The following RPS3 variants were observed in gnomAD, a reference collection of about 807,000 sequenced individuals.
The protein encoded by RPS3 is ribosomal protein S3.
Under a neutral mutation model 25.8 loss-of-function variants are expected in RPS3, and 2 were observed. The observed-to-expected ratio is 0.08, with a 90% confidence interval of 0.03 to 0.24. The LOEUF (loss-of-function observed/expected upper bound fraction) is 0.24. Ranked by LOEUF, RPS3 falls within the 10% of genes least tolerant of loss-of-function variation. The probability of loss-of-function intolerance (pLI) is 1.00; values close to 1 mark genes in which losing one functional copy is unlikely to be tolerated. For missense variants in RPS3, 107 were observed against 307.1 expected (o/e 0.35, Z 4.87); for synonymous variants, 114 against 114.2 (o/e 1.00, Z 0.01).
intron 6 of RPS3, among the ~76,000 whole-genome samples, chr11:75,414,416 C>T (rs1321603734): frequency 2.0e-5 from 3 of 152,164 alleles, no homozygotes; most frequent in Non-Finnish European, 4.4e-5. Flanking sequence ...TTGAGACCTT[C>T]CTGGCTAACA....
intron 1 of RPS3, 102 bp from the exon 2 acceptor site, chr11:75,400,592 A>G (rs1948195055): frequency 6.6e-7 from 1 of 1,516,316 alleles, no homozygotes; most frequent in Non-Finnish European, 9.1e-7. Context: ...GGAGGTATTT[A>G]GTTTTGGTGA....
rs375245691 is a variant in RPS3, at chr11:75,404,182, T to A, written c.513T>A (p.Ala171=). The change falls in exon 5 of 7, where the codon GCT becomes GCA. Residue 171 remains alanine, a synonymous_variant. Coordinates refer to ENST00000531188, the MANE Select transcript of RPS3 (RefSeq NM_001005.5). The surrounding 1 kb of genome is among the most constrained non-coding windows in gnomAD (Gnocchi z 4.6). The stretch of plus-strand genomic sequence containing the variant: ...CTGTTAACTACTACGTTGACACTGC[T>A]GTGCGCCACGTGTTGCTCAGACAGG... ...GDPVNYYVDT[A]VRHVLLRQGV... 10 of 1,614,184 alleles carry A rather than the reference T, an allele frequency of 6.2e-6. No homozygotes were observed. Among genetic ancestry groups the A allele is most frequent in the Non-Finnish European group, 8.5e-6 (10 of 1,180,002 alleles).
At chr11:75,418,590 A>C (rs1162821738) in intron 6 of RPS3, among the ~76,000 whole-genome samples, 1 of 152,222 alleles carries the variant, frequency 6.6e-6, no homozygotes, top group Admixed American at 6.5e-5. Context: ...TGTGTTCATA[A>C]AATTTGAGAA....
intron 1 of RPS3, chr11:75,400,250 T>C: frequency 4.8e-6 from 2 of 416,040 alleles, no homozygotes; most frequent in South Asian, 3.7e-5. Flanking sequence ...GCAGGTTGTG[T>C]CTACAAGTGA....
At chr11:75,399,652 G>A in intron 1 of RPS3, 75 bp downstream of exon 1, 1 of 1,328,940 alleles carries the variant, frequency 7.5e-7, no homozygotes, top group Admixed American at 1.8e-5. Flanking sequence ...GCCACCGCGA[G>A]GCCTGCAGCT....
downstream of RPS3, among the ~76,000 whole-genome samples, chr11:75,407,978 T>C (rs1471609348): frequency 6.6e-6 from 1 of 152,190 alleles, no homozygotes; most frequent in Non-Finnish European, 1.5e-5. Context: ...AGAAAGAAAC[T>C]TAATGAATTG....
chr11:75,405,053 G>A (rs1027950118), intron 6 of RPS3, 185 bp downstream of exon 6: 3 of 461,198 alleles, frequency 6.5e-6, no homozygotes, highest in Non-Finnish European at 1.2e-5. Context: ...TGGGACAGGT[G>A]TTGCCTTTAT....
intron 2 of RPS3, 85 bp downstream of exon 2, chr11:75,400,909 GTCTTGC>G: frequency 6.9e-7 from 1 of 1,447,012 alleles, no homozygotes; most frequent in Admixed American, 2.1e-5. Context: ...TTGAGACGGA[GTCTTGC>G]TCTGTCCCCA....
At position 75,399,565 on chromosome 11, in the gene RPS3, C is replaced by T. The variant is rs373443936; in HGVS notation, c.18C>T (p.Ser6=). 6.2e-7 allele frequency: 1 copy of T among 1,613,860 alleles called. No homozygotes were observed. The highest frequency in any genetic ancestry group is 1.7e-5 in the Admixed American group (1 of 60,010). The part of the protein sequence containing the change: MAVQI[S]KKRKFVADGI... ...GCGGCAAGATGGCAGTGCAAATATC[C>T]AAGAAGAGGAAGGTGAGCCTCTGGG... The change falls in exon 1 of 7, where the codon TCC becomes TCT. Residue 6 remains serine, a synonymous_variant. Coordinates refer to ENST00000531188, the MANE Select transcript of RPS3 (RefSeq NM_001005.5).
At chr11:75,414,534 C>G (rs1269366043) in intron 6 of RPS3, among the ~76,000 whole-genome samples, 1 of 152,038 alleles carries the variant, frequency 6.6e-6, no homozygotes, top group Admixed American at 6.5e-5. Context: ...TGGCATGAAG[C>G]CAGGAGGCGG....
chr11:75,405,443 C>G (rs747545), intron 6 of RPS3, 171 bp from the exon 7 acceptor site: 292,051 of 337,312 alleles, frequency 0.87, 127,156 homozygotes, highest in East Asian at 1. Flanking sequence ...TAGGTGTTGT[C>G]TCTCCAGGTG....
chr11:75,416,232 C>T (rs1194476162), intron 6 of RPS3, among the ~76,000 whole-genome samples: 1 of 152,122 alleles, frequency 6.6e-6, no homozygotes, highest in Non-Finnish European at 1.5e-5. Flanking sequence ...TTAGTGCTAG[C>T]TGTTACTATT....
Position 75,400,767 on chromosome 11 carries a change from C to G in RPS3, c.104C>G (p.Ser35Cys). The G allele has an allele frequency of 6.2e-7, 1 of 1,613,066 alleles. No individual in the cohort carries two copies. The highest frequency in any genetic ancestry group is 8.5e-7 in the Non-Finnish European group (1 of 1,179,898). Reference sequence around the variant, plus strand: ...CGGGAGCTGGCTGAAGATGGCTACTCTGGAGTTGAGGTGCGAGTTACACCA... The same window carrying G: ...CGGGAGCTGGCTGAAGATGGCTACTGTGGAGTTGAGGTGCGAGTTACACCA... ...LTRELAEDGY[S>C]GVEVRVTPTR... is the part of the protein sequence containing the mutation. Residue 35 changes from serine (S) to cysteine (C), a missense_variant, in exon 2 of 7, where the codon TCT becomes TGT. This residue lies in a region of RPS3 where 81 missense variants were observed against 286.8 expected (regional missense o/e 0.28). Coordinates refer to ENST00000531188, the MANE Select transcript of RPS3 (RefSeq NM_001005.5).
Position 75,404,658 on chromosome 11 carries a change from G to C in RPS3, c.539-14G>C, listed in dbSNP as rs372775887. 3 of 1,605,170 alleles carry C rather than the reference G, an allele frequency of 1.9e-6. No individual in the cohort carries two copies. In the African/African-American group the frequency reaches 4.0e-5, roughly 21 times the overall value. On this transcript the variant is annotated splice_polypyrimidine_tract_variant and intron_variant, in intron 5 of 6. Transcript: ENST00000531188. The surrounding 1 kb of genome is among the most constrained non-coding windows in gnomAD (Gnocchi z 4.6). ...AGACCCCAGCTGTGTGCTAACAACT[G>C]TGGTGTCCTCTAGGTGTGCTGGGCA...
intron 6 of RPS3, among the ~76,000 whole-genome samples, chr11:75,416,467 T>TTTC (rs1208045792): frequency 6.7e-6 from 1 of 149,234 alleles, no homozygotes; most frequent in African/African-American, 2.5e-5. Flanking sequence ...TCTATTTTTT[T>TTTC]TTTTTTTTTT....
downstream of RPS3, among the ~76,000 whole-genome samples, chr11:75,409,639 C>T (rs1478847049): frequency 6.7e-6 from 1 of 148,450 alleles, no homozygotes; most frequent in East Asian, 2.0e-4. Flanking sequence ...CCCACCCTTC[C>T]CGCCTTTCTA....
intron 6 of RPS3, among the ~76,000 whole-genome samples, chr11:75,419,643 T>C (rs1948427113): frequency 6.6e-6 from 1 of 152,228 alleles, no homozygotes; most frequent in Non-Finnish European, 1.5e-5. Flanking sequence ...ATTTTTATTT[T>C]TTATTTTTGA....
downstream of RPS3, among the ~76,000 whole-genome samples, chr11:75,409,078 C>G (rs1026432417): frequency 2.0e-5 from 3 of 152,158 alleles, no homozygotes; most frequent in Non-Finnish European, 1.5e-5. Flanking sequence ...ACCTTCTGAG[C>G]TCAAGCCATC....
At chr11:75,418,253 C>G (rs1948415539) in intron 6 of RPS3, among the ~76,000 whole-genome samples, 1 of 152,238 alleles carries the variant, frequency 6.6e-6, no homozygotes, top group East Asian at 1.9e-4. Flanking sequence ...AATGCCAGGA[C>G]CACCCCACCC....
Sources: gnomAD v4.1 joint callset for allele counts (sites outside exome capture counted in the v4.1 genomes callset) on GRCh38, gnomAD v4.1.1 for gene constraint, gnomAD v4.1.1 regional missense constraint, Gnocchi (gnomAD v3.1) non-coding constraint, MANE v1.5 for transcripts, NCBI Gene and HGNC (gene_info 2026-07-23, HGNC 2026-07-21) for gene names.